Variants in TNIP3 observed in about 807,000 individuals in gnomAD.
TNIP3 encodes the protein TNFAIP3 interacting protein 3, also known as TNFAIP3-interacting protein 3.
A neutral mutation model predicts 54.1 loss-of-function variants in TNIP3; 34 were observed. That is an observed-to-expected ratio of 0.63 (90% CI 0.48 to 0.84). The LOEUF is 0.84. TNIP3 is among the 40% of genes least tolerant of loss of function. TNIP3 has a pLI of 0.00. For missense variants in TNIP3, 366 were observed against 387.6 expected, an observed-to-expected ratio of 0.94 and a Z score of 0.47; for synonymous variants, 134 against 136.8, an observed-to-expected ratio of 0.98 and a Z score of 0.14.
chr4:121,185,501 G>A (rs985662652), intron 2 of TNIP3, among the ~76,000 whole-genome samples: 1 of 151,952 alleles, frequency 6.6e-6, no homozygotes, highest in Non-Finnish European at 1.5e-5. Context: ...CCCCATCTAT[G>A]TCCCAGGAAA....
intron 1 of TNIP3, among the ~76,000 whole-genome samples, chr4:121,224,962 G>A (rs1419251225): frequency 6.6e-6 from 1 of 152,022 alleles, no homozygotes; most frequent in Admixed American, 6.6e-5. Flanking sequence ...GAGTCATCTG[G>A]CTGTAATCTA....
chr4:121,145,566 T>C (rs1729377832), intron 7 of TNIP3, among the ~76,000 whole-genome samples: 1 of 151,128 alleles, frequency 6.6e-6, no homozygotes, highest in Non-Finnish European at 1.5e-5. Context: ...TGCCAGTCTA[T>C]CACCAATCTT....
chr4:121,182,571 C>A, intron 3 of TNIP3: 1 of 1,329,566 alleles, frequency 7.5e-7, no homozygotes, highest in Non-Finnish European at 1.0e-6. Context: ...CAAGGAAGTA[C>A]ATGACTGACG....
chr4:121,191,225 G>A (rs527282348), intron 2 of TNIP3, among the ~76,000 whole-genome samples: 1 of 152,228 alleles, frequency 6.6e-6, no homozygotes, highest in South Asian at 2.1e-4. Context: ...GGAAACATTG[G>A]CTCCTAATCA....
intron 3 of TNIP3, among the ~76,000 whole-genome samples, chr4:121,172,786 T>C (rs1364548210): frequency 6.6e-6 from 1 of 152,116 alleles, no homozygotes; most frequent in Non-Finnish European, 1.5e-5. Flanking sequence ...AAAATATAAA[T>C]TGCCTGAGAA....
chr4:121,186,248 A>G (rs936916860), intron 2 of TNIP3, among the ~76,000 whole-genome samples: 6 of 152,144 alleles, frequency 3.9e-5, no homozygotes, highest in African/African-American at 1.4e-4. Flanking sequence ...GGTCACACCT[A>G]TGGAGAGAGT....
At chr4:121,193,365 T>C (rs1229882889) in intron 2 of TNIP3, among the ~76,000 whole-genome samples, 3 of 152,200 alleles carry the variant, frequency 2.0e-5, no homozygotes, top group Non-Finnish European at 4.4e-5. Context: ...TATGGCATAC[T>C]TTCAATATCA....
At position 121,158,667 on chromosome 4, in the gene TNIP3, G is replaced by A. The variant is rs1412209326; in HGVS notation, c.213+20C>T. On this transcript the variant is annotated intron_variant, in intron 3 of 10. Coordinates refer to ENST00000057513, the MANE Select transcript of TNIP3 (RefSeq NM_024873.6). ...GGATAATGGCTTTAAAGAAAATACC[G>A]AATAGAGAGAGGTATTTACCTTTCT... 7.6e-6 allele frequency: 12 copies of A among 1,581,906 alleles called. No individual in the cohort carries two copies. The highest frequency in any genetic ancestry group is 1.7e-4 in the Middle Eastern group (1 of 6,028).
At chr4:121,196,432 T>C (rs996158995) in intron 2 of TNIP3, among the ~76,000 whole-genome samples, 2 of 152,178 alleles carry the variant, frequency 1.3e-5, no homozygotes, top group African/African-American at 4.8e-5. Context: ...AATATAATAT[T>C]TGGCTCTAAA....
chr4:121,200,528 AC>A (rs993509722), intron 2 of TNIP3, among the ~76,000 whole-genome samples: 30 of 151,688 alleles, frequency 2.0e-4, no homozygotes, highest in African/African-American at 6.8e-4. Flanking sequence ...ATTCATAGAG[AC>A]CCCCGAGCAC....
At chr4:121,200,894 G>A (rs1254475022) in intron 2 of TNIP3, among the ~76,000 whole-genome samples, 1 of 152,162 alleles carries the variant, frequency 6.6e-6, no homozygotes, top group Non-Finnish European at 1.5e-5. Flanking sequence ...ATCATGGGTA[G>A]AAATAAACCC....
At chr4:121,134,671 G>A (rs1728674461) in intron 10 of TNIP3, among the ~76,000 whole-genome samples, 1 of 152,212 alleles carries the variant, frequency 6.6e-6, no homozygotes, top group South Asian at 2.1e-4. Flanking sequence ...ACCACAGACA[G>A]TAACTGAGAG....
Position 121,157,252 on chromosome 4 carries a change from G to T in TNIP3, c.214-9C>A. The T allele has an allele frequency of 6.2e-7, 1 of 1,614,036 alleles. No individual in the cohort carries two copies. Among genetic ancestry groups the T allele is most frequent in the South Asian group, 1.1e-5 (1 of 91,078 alleles). On this transcript the variant is annotated splice_polypyrimidine_tract_variant and intron_variant, in intron 3 of 10. Coordinates refer to ENST00000057513, the MANE Select transcript of TNIP3 (RefSeq NM_024873.6). ...GTCTTCAGCTCTGCTACCTGAGGAGGTCGTTCAAAGACAGCTGCAGATACC... is the reference window on the plus strand; with the variant it reads ...GTCTTCAGCTCTGCTACCTGAGGAGTTCGTTCAAAGACAGCTGCAGATACC...
chr4:121,190,589 C>T (rs573541210), intron 2 of TNIP3, among the ~76,000 whole-genome samples: 4 of 152,224 alleles, frequency 2.6e-5, no homozygotes, highest in South Asian at 2.1e-4. Flanking sequence ...AGTTGAGTTG[C>T]GTAACAGGGG....
rs182726653 is a variant in TNIP3 at position 121,177,788 on chromosome 4, T to C, written c.189+4888A>G. Among the ~76,000 whole-genome samples, 32 of 150,972 alleles carry C rather than the reference T, an allele frequency of 2.1e-4. No individual in the cohort carries two copies. The East Asian group carries it at 5.2e-3, about 25-fold the overall frequency. On this transcript the variant is annotated intron_variant, in intron 3 of 12. Coordinates refer to the TNIP3 transcript ENST00000507879. ...GAAGGTCTTTGTTTTGTTTTAAATATAGGGTTTCTTTCTGCAGAATGCTAT... is the reference window on the plus strand; with the variant it reads ...GAAGGTCTTTGTTTTGTTTTAAATACAGGGTTTCTTTCTGCAGAATGCTAT...
intron 6 of TNIP3, among the ~76,000 whole-genome samples, chr4:121,149,404 T>A (rs191365891): frequency 3.7e-4 from 57 of 152,346 alleles, no homozygotes; most frequent in African/African-American, 1.4e-3. Flanking sequence ...GGCTAGCAAC[T>A]ACAGAATCAC....
In TNIP3 at chr4:121,193,524, A is replaced by G. The variant is rs575799488; in HGVS notation, c.69-10728T>C. On this transcript the variant is annotated intron_variant, in intron 2 of 12. Coordinates refer to the TNIP3 transcript ENST00000507879. ...ATGCCTACTGATAAGTGTAGAGAAC[A>G]TTATCCCATTAGAAAATCATTATTT... Among the ~76,000 whole-genome samples the G allele has an allele frequency of 7.9e-5, 12 of 152,316 alleles. No homozygotes were observed. In the South Asian group the frequency reaches 2.5e-3, roughly 32 times the overall value.
At chr4:121,135,429 T>C (rs1728724883) in intron 10 of TNIP3, among the ~76,000 whole-genome samples, 1 of 152,084 alleles carries the variant, frequency 6.6e-6, no homozygotes, top group African/African-American at 2.4e-5. Context: ...ATAGAGTCAT[T>C]TTCTGTCACC....
At chr4:121,222,197 C>T (rs546741383) in intron 1 of TNIP3, among the ~76,000 whole-genome samples, 2 of 152,056 alleles carry the variant, frequency 1.3e-5, no homozygotes, top group African/African-American at 4.8e-5. Context: ...GAATTTCTTC[C>T]CCTGCGAAGA....
Sources: gnomAD v4.1 joint callset for allele counts (sites outside exome capture counted in the v4.1 genomes callset) on GRCh38, gnomAD v4.1.1 for gene constraint, MANE v1.5 for transcripts, NCBI Gene and HGNC (gene_info 2026-07-23, HGNC 2026-07-21) for gene names.